The following GRM1 variants were observed in gnomAD, a reference collection of about 807,000 sequenced individuals.
GRM1 encodes glutamate metabotropic receptor 1.
Under a neutral mutation model 90.9 loss-of-function variants are expected in GRM1, and 33 were observed. The ratio of observed to expected loss-of-function variants is 0.36; its 90% CI spans 0.28 to 0.49. The LOEUF (loss-of-function observed/expected upper bound fraction) is 0.49, where lower values mean the gene tolerates loss of function less well. GRM1 is among the 20% of genes least tolerant of loss of function. GRM1 has a pLI of 0.99. For missense variants in GRM1, 1,190 were observed against 1,534.3 expected (o/e 0.78, Z 3.75); for synonymous variants, 700 against 613.2 (o/e 1.14, Z -2.09).
chr6:146,286,849 G>T (rs558127392), intron 2 of GRM1, among the ~76,000 whole-genome samples: 1 of 152,266 alleles, frequency 6.6e-6, no homozygotes, highest in South Asian at 2.1e-4. Flanking sequence ...ACAGCCTCTT[G>T]TATAGATTTT....
intron 2 of GRM1, among the ~76,000 whole-genome samples, chr6:146,244,290 G>T (rs1320138112): frequency 1.3e-5 from 2 of 152,138 alleles, no homozygotes; most frequent in Admixed American, 6.6e-5. Context: ...CACAATTTAT[G>T]TTCAGAGATT....
intron 1 of GRM1, among the ~76,000 whole-genome samples, chr6:146,055,855 A>T (rs1266929493): frequency 1.3e-5 from 2 of 152,170 alleles, no homozygotes; most frequent in East Asian, 3.9e-4. Flanking sequence ...TACTTTATTT[A>T]GTGAATTTTA....
At chr6:146,049,656 T>TATC (rs926744793) in intron 1 of GRM1, among the ~76,000 whole-genome samples, 32 of 42,910 alleles carry the variant, frequency 7.5e-4, no homozygotes, top group African/African-American at 2.9e-3. Flanking sequence ...CTTTCATATC[T>TATC]ATCTATCTAT....
chr6:146,029,805 G>A lies in GRM1; in HGVS notation c.288G>A (p.Leu96=). The change falls in exon 1 of 8, where the codon CTG becomes CTA. Residue 96 remains leucine, a synonymous_variant. Coordinates refer to ENST00000282753, the MANE Select transcript of GRM1 (RefSeq NM_001278064.2). Reference sequence around the variant, plus strand: ...AGATCAACGCGGACCCGGTCCTCCTGCCCAACATCACCCTGGGCAGTGAGA... The same window carrying A: ...AGATCAACGCGGACCCGGTCCTCCTACCCAACATCACCCTGGGCAGTGAGA... The part of the protein sequence containing the change: ...LDKINADPVL[L]PNITLGSEIR... 6.2e-7 allele frequency: 1 copy of A among 1,614,120 alleles called. No homozygotes were observed. Among genetic ancestry groups the A allele is most frequent in the Non-Finnish European group, 8.5e-7 (1 of 1,180,022 alleles).
rs1317913731 is a variant in GRM1, at chr6:146,399,543, T to C, written c.2504T>C (p.Met835Thr). 1.2e-6 allele frequency: 2 copies of C among 1,614,030 alleles called. No individual in the cohort carries two copies. Among genetic ancestry groups the C allele is most frequent in the African/African-American group, 1.3e-5 (1 of 74,912 alleles). ...CTGGGGTGCATGTTCACTCCCAAGATGTACATCATTATTGCCAAGCCTGAG... is the reference window on the plus strand; with the variant it reads ...CTGGGGTGCATGTTCACTCCCAAGACGTACATCATTATTGCCAAGCCTGAG... Reference protein sequence around the residue: ...VALGCMFTPKMYIIIAKPERN... With the variant: ...VALGCMFTPKTYIIIAKPERN... Residue 835 changes from methionine to threonine, a missense_variant, in exon 7 of 8, where the codon ATG becomes ACG. Physicochemically the swap from Met to Thr is moderately conservative, Grantham distance 81 (BLOSUM62 -1). Around this residue, in one of 10 missense-constraint regions of GRM1, gnomAD observed 73 missense variants for 150.6 expected, o/e 0.48. Transcript: ENST00000282753. This position sits in a 1 kb window ranked among gnomAD's most constrained non-coding sequence, Gnocchi z 5.4.
intron 3 of GRM1, among the ~76,000 whole-genome samples, chr6:146,310,263 A>G (rs1348800196): frequency 6.6e-6 from 1 of 152,226 alleles, no homozygotes; most frequent in East Asian, 1.9e-4. Flanking sequence ...TTGCCTTATT[A>G]GGTTTCAAAT....
intron 7 of GRM1, among the ~76,000 whole-genome samples, chr6:146,431,174 G>A (rs1778391937): frequency 6.6e-6 from 1 of 152,164 alleles, no homozygotes; most frequent in African/African-American, 2.4e-5. Context: ...TAAATGCCCT[G>A]AGGTGTGAGA....
intron 3 of GRM1, among the ~76,000 whole-genome samples, chr6:146,342,191 C>T (rs1785007980): frequency 6.6e-6 from 1 of 152,092 alleles, no homozygotes; most frequent in Admixed American, 6.5e-5. Context: ...TTAGTTTTGC[C>T]TGTTGATTTT....
At chr6:146,159,320 T>G (rs745531682) in intron 1 of GRM1, 28 bp from the exon 2 acceptor site, 4 of 1,613,888 alleles carry the variant, frequency 2.5e-6, no homozygotes, top group Non-Finnish European at 1.7e-6. Flanking sequence ...ACAGTTGTCT[T>G]GAACATCTGC....
intron 1 of GRM1, among the ~76,000 whole-genome samples, chr6:146,043,894 GT>G (rs201347843): frequency 2.0e-5 from 3 of 148,958 alleles, no homozygotes; most frequent in Non-Finnish European, 3.0e-5. Context: ...CAGGTGGAAA[GT>G]TTTTTTTTAA....
chr6:146,215,427 A>G (rs1016858742), intron 2 of GRM1, among the ~76,000 whole-genome samples: 3 of 151,626 alleles, frequency 2.0e-5, no homozygotes, highest in African/African-American at 7.3e-5. Context: ...TTTCTCCATC[A>G]TACTTCCTAA....
chr6:146,353,783 C>G (rs998460408), intron 4 of GRM1, among the ~76,000 whole-genome samples: 13 of 152,180 alleles, frequency 8.5e-5, no homozygotes, highest in African/African-American at 2.9e-4. Flanking sequence ...GTGTGCACCA[C>G]CACACCTGGT....
rs562814124 is a variant in GRM1, at chr6:146,332,006, T to A, written c.1187-20244T>A. 6.5e-4 allele frequency among the ~76,000 whole-genome samples: 99 copies of A among 152,272 alleles called. 1 individual carries two copies. Among genetic ancestry groups the A allele is most frequent in the African/African-American group, 2.3e-3 (95 of 41,568 alleles). Reference sequence around the variant, plus strand: ...CTCTCCAGTTATCATTTGAGGGATATGAGCACTCTTTATTTCTTAAACACT... The same window carrying A: ...CTCTCCAGTTATCATTTGAGGGATAAGAGCACTCTTTATTTCTTAAACACT... On this transcript the variant is annotated intron_variant, in intron 3 of 7. Transcript: ENST00000282753.
intron 2 of GRM1, among the ~76,000 whole-genome samples, chr6:146,251,860 A>T (rs913739157): frequency 1.3e-5 from 2 of 152,156 alleles, no homozygotes; most frequent in African/African-American, 4.8e-5. Flanking sequence ...TGCCCAGCAC[A>T]TTCTTACCAG....
chr6:146,402,913 G>A (rs1241996776), intron 7 of GRM1, among the ~76,000 whole-genome samples: 2 of 152,186 alleles, frequency 1.3e-5, no homozygotes, highest in Non-Finnish European at 2.9e-5. Context: ...AATATACTGG[G>A]TGTTTGGGTT....
intron 1 of GRM1, among the ~76,000 whole-genome samples, chr6:146,047,100 T>G (rs545641815): frequency 1.8e-4 from 27 of 152,064 alleles, no homozygotes; most frequent in African/African-American, 5.8e-4. Flanking sequence ...AGAAGGTAGT[T>G]ACAGGAGAGT....
chr6:146,326,843 C>T (rs1309193853), intron 3 of GRM1, among the ~76,000 whole-genome samples: 1 of 152,070 alleles, frequency 6.6e-6, no homozygotes, highest in Non-Finnish European at 1.5e-5. Flanking sequence ...ATACAAAAAT[C>T]CTGACAATAT....
chr6:146,226,468 C>G (rs1780242851), intron 2 of GRM1, among the ~76,000 whole-genome samples: 1 of 152,102 alleles, frequency 6.6e-6, no homozygotes, highest in African/African-American at 2.4e-5. Context: ...CAAGTAAACT[C>G]CCTTTGTTCT....
chr6:146,108,697 G>T (rs1021153954), intron 1 of GRM1, among the ~76,000 whole-genome samples: 1 of 152,196 alleles, frequency 6.6e-6, no homozygotes, highest in Non-Finnish European at 1.5e-5. Context: ...ACAGGCAAAG[G>T]TTGGGACAGT....
Sources: gnomAD v4.1 joint callset for allele counts (sites outside exome capture counted in the v4.1 genomes callset) on GRCh38, gnomAD v4.1.1 for gene constraint, gnomAD v4.1.1 regional missense constraint, Gnocchi (gnomAD v3.1) non-coding constraint, MANE v1.5 for transcripts, NCBI Gene and HGNC (gene_info 2026-07-23, HGNC 2026-07-21) for gene names.